YAP1: variants seen among roughly 807,000 people sequenced by gnomAD.
YAP1 encodes the protein Yes1 associated transcriptional regulator.
In YAP1, 5 loss-of-function variants were observed where a neutral mutation model predicts 56.9. The observed-to-expected ratio is 0.09, with a 90% confidence interval of 0.05 to 0.18. YAP1 has a LOEUF of 0.18. YAP1 is among the 10% of genes least tolerant of loss of function. The pLI is 1.00. For synonymous variants in YAP1, 265 were observed against 248.1 expected (o/e 1.07, Z -0.64); for missense variants, 539 against 651.8 (o/e 0.83, Z 1.88).
rs1472476526 is a variant in YAP1 at position 102,186,151 on chromosome 11, C to G, written c.802+20C>G. The G allele has an allele frequency of 6.2e-7, 1 of 1,605,680 alleles. No homozygotes were observed. Among genetic ancestry groups the G allele is most frequent in the Non-Finnish European group, 8.5e-7 (1 of 1,177,238 alleles). The stretch of plus-strand genomic sequence containing the variant: ...GTTTTGGTAAAGGTTCATCTCAAAA[C>G]CTTTTTAGATGCTTTTGGTTGCTAA... On this transcript the variant is annotated intron_variant, in intron 4 of 8. Coordinates refer to ENST00000282441, the MANE Select transcript of YAP1 (RefSeq NM_001130145.3).
Position 102,130,125 on chromosome 11 carries a change from A to G in YAP1, c.572+15731A>G, listed in dbSNP as rs565122443. On this transcript the variant is annotated intron_variant, in intron 2 of 8. Transcript: ENST00000282441. ...AAGCAAAACCAGACCAGAGCACCAT[A>G]TAGCAGTCAGAGAAGAGGGTTTTCT... Among the ~76,000 whole-genome samples, 73 of 152,230 alleles carry G rather than the reference A, an allele frequency of 4.8e-4. 1 individual carries two copies. The highest frequency in any genetic ancestry group is 1.7e-3 in the African/African-American group (71 of 41,556).
intron 2 of YAP1, among the ~76,000 whole-genome samples, chr11:102,122,313 C>A (rs946452776): frequency 6.6e-6 from 1 of 151,606 alleles, no homozygotes; most frequent in Admixed American, 6.6e-5. Flanking sequence ...CCAGCTACTC[C>A]TTTTGGGAGG....
intron 2 of YAP1, among the ~76,000 whole-genome samples, chr11:102,127,803 C>T (rs1006982994): frequency 6.6e-6 from 1 of 152,152 alleles, no homozygotes; most frequent in Non-Finnish European, 1.5e-5. Flanking sequence ...GAGGCTGTAC[C>T]CTGTAAAACC....
At chr11:102,202,021 C>T (rs951758473) in intron 4 of YAP1, among the ~76,000 whole-genome samples, 4 of 152,016 alleles carry the variant, frequency 2.6e-5, no homozygotes, top group Non-Finnish European at 5.9e-5. Flanking sequence ...TCCAGCTTGA[C>T]CTGGTCAAAT....
intron 1 of YAP1, among the ~76,000 whole-genome samples, chr11:102,111,473 G>A (rs1360148137): frequency 6.7e-6 from 1 of 148,772 alleles, no homozygotes. Flanking sequence ...GTTCCCGAGA[G>A]GTTGGCGGGA....
At chr11:102,182,083 T>TG (rs1947659859) in intron 3 of YAP1, among the ~76,000 whole-genome samples, 1 of 152,104 alleles carries the variant, frequency 6.6e-6, no homozygotes. Flanking sequence ...CCTCCCAAAG[T>TG]GCTGGGATTA....
chr11:102,225,683 A>C (rs1950161699), intron 7 of YAP1, among the ~76,000 whole-genome samples: 1 of 151,990 alleles, frequency 6.6e-6, no homozygotes, highest in Non-Finnish European at 1.5e-5. Context: ...CCTCCATGAA[A>C]CTTTTACCCT....
At chr11:102,157,592 A>G (rs1379916404) in intron 2 of YAP1, among the ~76,000 whole-genome samples, 1 of 152,206 alleles carries the variant, frequency 6.6e-6, no homozygotes, top group African/African-American at 2.4e-5. Context: ...TGTTTACTAA[A>G]AGTCAATTTT....
Position 102,124,244 on chromosome 11 carries a change from C to T in YAP1, c.572+9850C>T, listed in dbSNP as rs554726407. Among the ~76,000 whole-genome samples the T allele has an allele frequency of 3.6e-4, 55 of 152,006 alleles. 2 individuals carry two copies. In the South Asian group the frequency reaches 8.3e-3, roughly 23 times the overall value. ...CTGGGATTACAGGCATGAGCTGCTG[C>T]GCCCGGCACTCCATTTTCTTCTAGC... On this transcript the variant is annotated intron_variant, in intron 2 of 8. Transcript: ENST00000282441.
chr11:102,217,618 CAAAA>C (rs1241215581), intron 6 of YAP1, among the ~76,000 whole-genome samples: 6 of 151,766 alleles, frequency 4.0e-5, no homozygotes, highest in Non-Finnish European at 7.4e-5. Context: ...TCTACAATGA[CAAAA>C]AGCAGATGAT....
chr11:102,111,610 G>A (rs1030483063), intron 1 of YAP1, among the ~76,000 whole-genome samples: 1 of 152,024 alleles, frequency 6.6e-6, no homozygotes, highest in African/African-American at 2.4e-5. Context: ...GGCTGGGAAA[G>A]GGGGAGGGGG....
At chr11:102,124,415 T>C (rs1003878166) in intron 2 of YAP1, among the ~76,000 whole-genome samples, 11 of 152,212 alleles carry the variant, frequency 7.2e-5, no homozygotes, top group African/African-American at 2.4e-4. Context: ...TCAGTTCATG[T>C]AAAGAAACTC....
intron 2 of YAP1, among the ~76,000 whole-genome samples, chr11:102,146,310 A>G (rs374557345): frequency 6.6e-6 from 1 of 152,212 alleles, no homozygotes; most frequent in African/African-American, 2.4e-5. Context: ...GGCGTGAGCC[A>G]CCACACCCGG....
chr11:102,121,261 G>T (rs1158593209), intron 2 of YAP1, among the ~76,000 whole-genome samples: 1 of 151,918 alleles, frequency 6.6e-6, no homozygotes, highest in Non-Finnish European at 1.5e-5. Flanking sequence ...AATGTAGCAA[G>T]ATCTCATCTC....
At chr11:102,157,225 G>A (rs1165104067) in intron 2 of YAP1, among the ~76,000 whole-genome samples, 2 of 152,172 alleles carry the variant, frequency 1.3e-5, no homozygotes, top group Admixed American at 6.5e-5. Flanking sequence ...TATAGTATAT[G>A]CATAATCACT....
At chr11:102,125,263 C>T (rs995167165) in intron 2 of YAP1, among the ~76,000 whole-genome samples, 1 of 152,140 alleles carries the variant, frequency 6.6e-6, no homozygotes, top group Admixed American at 6.5e-5. Context: ...CTCAAATGAT[C>T]CACCCACCTT....
chr11:102,115,581 TTTTTC>T (rs1319714646), intron 2 of YAP1, among the ~76,000 whole-genome samples: 5 of 149,006 alleles, frequency 3.4e-5, no homozygotes, highest in East Asian at 3.9e-4. Flanking sequence ...TTCCTGCAAC[TTTTTC>T]TTTTCTTTTC....
chr11:102,205,796 C>T, intron 4 of YAP1, 97 bp from the exon 5 acceptor site: 2 of 1,257,840 alleles, frequency 1.6e-6, no homozygotes, highest in Non-Finnish European at 1.0e-6. Context: ...AAAAAAGTTA[C>T]ATCGAATATC....
In YAP1 at chr11:102,229,749, C is replaced by T. The variant is rs768607921; in HGVS notation, c.1324C>T (p.Pro442Ser). 1 of 1,614,010 alleles carries T rather than the reference C, an allele frequency of 6.2e-7. No homozygotes were observed. Among genetic ancestry groups the T allele is most frequent in the African/African-American group, 1.3e-5 (1 of 74,914 alleles). ...STLPSQQNRF[P>S]DYLEAIPGTN... ...CCTGCCCTCACAGCAGAACCGTTTC[C>T]CAGACTACCTTGAAGCCATTCCTGG... is the stretch of plus-strand genomic sequence containing the variant. The change falls in exon 9 of 9, where the codon CCA becomes TCA. Residue 442 changes from proline to serine, a missense_variant. Pro to Ser is a moderately conservative substitution (Grantham distance 74). Around this residue, in one of 4 missense-constraint regions of YAP1, gnomAD observed 414 missense variants for 512.4 expected, o/e 0.81. Coordinates refer to ENST00000282441, the MANE Select transcript of YAP1 (RefSeq NM_001130145.3).
Sources: allele counts gnomAD v4.1 joint callset (sites outside exome capture counted in the v4.1 genomes callset), GRCh38; gene constraint gnomAD v4.1.1; regional missense constraint gnomAD v4.1.1; transcripts MANE v1.5; gene names NCBI Gene and HGNC (gene_info 2026-07-23, HGNC 2026-07-21).